Variants in LHFPL5 observed in about 807,000 individuals in gnomAD.
LHFPL5 encodes the protein LHFPL tetraspan subfamily member 5 protein.
A neutral mutation model predicts 18.7 loss-of-function variants in LHFPL5; 12 were observed. The ratio of observed to expected loss-of-function variants is 0.64; its 90% CI spans 0.41 to 1.04. The LOEUF is 1.04. Ranked by LOEUF, LHFPL5 falls within the 50% of genes least tolerant of loss-of-function variation. The probability of loss-of-function intolerance (pLI) is 0.00; values close to 1 mark genes in which losing one functional copy is unlikely to be tolerated. For missense variants in LHFPL5, 259 were observed against 292.1 expected (o/e 0.89, Z 0.83); for synonymous variants, 111 against 120.2 (o/e 0.92, Z 0.50).
chr6:35,805,541 C>T lies in LHFPL5; in HGVS notation c.-130C>T. On this transcript the variant is annotated 5_prime_UTR_variant, in exon 1 of 4. Transcript: ENST00000360215. This position sits in a 1 kb window ranked among gnomAD's most constrained non-coding sequence, Gnocchi z 4.3. ...CCTCTTCCCCTTGCCTTGAAGGGACCTCACCTGGTGCCCTGACCTCAGCCT... is the reference window on the plus strand; with the variant it reads ...CCTCTTCCCCTTGCCTTGAAGGGACTTCACCTGGTGCCCTGACCTCAGCCT... The T allele has an allele frequency of 1.1e-6, 1 of 888,142 alleles. No individual in the cohort carries two copies. The highest frequency in any genetic ancestry group is 2.6e-5 in the East Asian group (1 of 38,720). 55.0% of individuals were successfully genotyped at this position (888,142 alleles called of 1,614,324 possible).
At chr6:35,810,634 G>A (rs1282594081) in intron 1 of LHFPL5, among the ~76,000 whole-genome samples, 1 of 151,812 alleles carries the variant, frequency 6.6e-6, no homozygotes, top group East Asian at 1.9e-4. Context: ...TGTGGGCAGG[G>A]GATAATCCCC....
Position 35,814,092 on chromosome 6 carries a change from C to G in LHFPL5, c.413-454C>G, listed in dbSNP as rs1335979512. 1.3e-5 allele frequency among the ~76,000 whole-genome samples: 2 copies of G among 152,242 alleles called. No individual in the cohort carries two copies. Among genetic ancestry groups the G allele is most frequent in the Non-Finnish European group, 1.5e-5 (1 of 68,050 alleles). ...GATTACAGGTGTGAGCCACCACCCC[C>G]AGGCTAGACACTTTCTTATTGAGCT... On this transcript the variant is annotated intron_variant, in intron 1 of 3. Transcript: ENST00000360215. This position sits in a 1 kb window ranked among gnomAD's most constrained non-coding sequence, Gnocchi z 4.2.
chr6:35,808,564 CATATATATATATATATATATATATAT>C (rs56343421), intron 1 of LHFPL5, among the ~76,000 whole-genome samples: 15 of 87,258 alleles, frequency 1.7e-4, no homozygotes, highest in East Asian at 8.4e-4. Context: ...TCATTTTATA[CATATATATATATATATATATATATAT>C]ATATATATAT....
intron 1 of LHFPL5, among the ~76,000 whole-genome samples, chr6:35,811,886 CGCTAATTACATTCA>C (rs1160037519): frequency 1.3e-5 from 2 of 152,202 alleles, no homozygotes; most frequent in Non-Finnish European, 2.9e-5. Context: ...GAAATGTCAC[CGCTAATTACATTCA>C]GCCCCTGGGA....
chr6:35,805,698 G>A lies in LHFPL5; in HGVS notation c.28G>A (p.Ala10Thr). 1 of 1,614,134 alleles carries A rather than the reference G, an allele frequency of 6.2e-7. No individual in the cohort carries two copies. Among genetic ancestry groups the A allele is most frequent in the Non-Finnish European group, 8.5e-7 (1 of 1,180,024 alleles). Residue 10 changes from alanine to threonine, a missense_variant, in exon 1 of 4, where the codon GCA becomes ACA. Transcript: ENST00000360215. The surrounding 1 kb of genome is among the most constrained non-coding windows in gnomAD (Gnocchi z 4.3). MVKLLPAQE[A>T]AKIYHTNYVR... is the part of the protein sequence containing the mutation. ...GGTGAAATTGCTGCCGGCCCAGGAG[G>A]CAGCCAAGATCTACCATACCAACTA... is the stretch of plus-strand genomic sequence containing the variant.
At chr6:35,821,449 TTGTGTGTG>T (rs34049571) in intron 3 of LHFPL5, among the ~76,000 whole-genome samples, 1,868 of 120,424 alleles carry the variant, frequency 0.016, 35 homozygotes, top group African/African-American at 0.042. Flanking sequence ...AGCATAATCT[TTGTGTGTG>T]TGTGTGTGTG....
chr6:35,814,880 C>T lies in LHFPL5; in HGVS notation c.649+98C>T. 1 of 1,101,462 alleles carries T rather than the reference C, an allele frequency of 9.1e-7. No homozygotes were observed. Among genetic ancestry groups the T allele is most frequent in the Non-Finnish European group, 1.4e-6 (1 of 716,812 alleles). 68.2% of individuals were successfully genotyped at this position (1,101,462 alleles called of 1,614,324 possible). ...AGTCCTCTAAGGCTTGGTCCCTGGC[C>T]AAGGGATGGGGACACCAAGACTAAT... On this transcript the variant is annotated intron_variant, in intron 2 of 3. Coordinates refer to ENST00000360215, the MANE Select transcript of LHFPL5 (RefSeq NM_182548.4). This position sits in a 1 kb window ranked among gnomAD's most constrained non-coding sequence, Gnocchi z 4.2.
intron 2 of LHFPL5, among the ~76,000 whole-genome samples, chr6:35,818,325 A>G (rs1768797566): frequency 4.2e-4 from 1 of 2,398 alleles, no homozygotes; most frequent in South Asian, 0.024. Context: ...AAAGCCATAT[A>G]TATATATATA....
At chr6:35,817,610 T>C (rs921130423) in intron 2 of LHFPL5, among the ~76,000 whole-genome samples, 7 of 152,194 alleles carry the variant, frequency 4.6e-5, no homozygotes, top group Non-Finnish European at 1.5e-5. Context: ...CAAAAGATGC[T>C]CAACATCATT....
intron 2 of LHFPL5, among the ~76,000 whole-genome samples, chr6:35,818,344 TA>T (rs1561955685): frequency 1.0e-3 from 7 of 6,872 alleles, no homozygotes; most frequent in East Asian, 8.6e-3. Flanking sequence ...TATATATATA[TA>T]TATGTATTTT....
rs368091965 is a variant in LHFPL5 at position 35,819,462 on chromosome 6, C to T, written c.*15C>T. On this transcript the variant is annotated splice_region_variant and 3_prime_UTR_variant, in exon 3 of 4. Coordinates refer to ENST00000360215, the MANE Select transcript of LHFPL5 (RefSeq NM_182548.4). ...AGGAGGTGTGAAGCAGCTGAAGGGT[C>T]GGTGAGTAATTCTATGGGAGGGTGG... The T allele has an allele frequency of 2.2e-5, 36 of 1,613,728 alleles. No individual in the cohort carries two copies. The African/African-American group carries it at 3.7e-4, about 17-fold the overall frequency.
chr6:35,814,413 T>C lies in LHFPL5; in HGVS notation c.413-133T>C. The C allele has an allele frequency of 2.5e-6, 2 of 802,610 alleles. No individual in the cohort carries two copies. Among genetic ancestry groups the C allele is most frequent in the Non-Finnish European group, 4.4e-6 (2 of 449,676 alleles). 49.7% of individuals were successfully genotyped at this position (802,610 alleles called of 1,614,324 possible). A position where few individuals can be genotyped will look rare whatever the true frequency, so the allele number is the denominator to read the frequency against. ...GTTCTGCAAGAAGGATGGTAGAGGC[T>C]GCCTCTCATGCCTCCTGAGGCTGTT... On this transcript the variant is annotated intron_variant, in intron 1 of 3. Transcript: ENST00000360215. The surrounding 1 kb of genome is among the most constrained non-coding windows in gnomAD (Gnocchi z 4.2).
intron 3 of LHFPL5, among the ~76,000 whole-genome samples, chr6:35,822,043 T>A (rs1292153510): frequency 6.6e-6 from 1 of 151,678 alleles, no homozygotes; most frequent in Non-Finnish European, 1.5e-5. Flanking sequence ...CCAGCTATAA[T>A]AATTTTGTTT....
intron 1 of LHFPL5, among the ~76,000 whole-genome samples, chr6:35,809,298 G>A (rs1361806011): frequency 6.6e-6 from 1 of 152,066 alleles, no homozygotes; most frequent in African/African-American, 2.4e-5. Flanking sequence ...CATAGATTAG[G>A]GGGCTTAAAA....
In LHFPL5 at chr6:35,805,432, A is replaced by C. The variant is rs1025976477; in HGVS notation, c.-239A>C. On this transcript the variant is annotated 5_prime_UTR_variant, in exon 1 of 4. Transcript: ENST00000360215. The surrounding 1 kb of genome is among the most constrained non-coding windows in gnomAD (Gnocchi z 4.3). ...TGGTGGGCTTGGGAGGAGGCAGGAG[A>C]CTGGAGACAGCCTCGGCTAGAGCGG... is the stretch of plus-strand genomic sequence containing the variant. 1.8e-6 allele frequency: 1 copy of C among 554,282 alleles called. No homozygotes were observed. The highest frequency in any genetic ancestry group is 1.9e-5 in the African/African-American group (1 of 52,856). The allele number at this position is 554,282 out of a possible 1,614,324, so 34.3% of individuals were successfully genotyped here.
In LHFPL5 at chr6:35,814,692, G is replaced by T; in HGVS notation, c.559G>T (p.Gly187Cys). 1 of 1,614,166 alleles carries T rather than the reference G, an allele frequency of 6.2e-7. No homozygotes were observed. Among genetic ancestry groups the T allele is most frequent in the Non-Finnish European group, 8.5e-7 (1 of 1,180,034 alleles). ...WAFMLAILSI[G>C]DALILSFLAF... ...CTTCATGCTGGCCATCCTCAGCATT[G>T]GCGACGCCCTCATCCTCTCCTTCCT... The change falls in exon 2 of 4, where the codon GGC becomes TGC. Residue 187 changes from glycine to cysteine, a missense_variant. Coordinates refer to ENST00000360215, the MANE Select transcript of LHFPL5 (RefSeq NM_182548.4). The surrounding 1 kb of genome is among the most constrained non-coding windows in gnomAD (Gnocchi z 4.2).
intron 3 of LHFPL5, among the ~76,000 whole-genome samples, chr6:35,821,813 T>C (rs1219667800): frequency 6.6e-6 from 1 of 150,912 alleles, no homozygotes; most frequent in Non-Finnish European, 1.5e-5. Flanking sequence ...ATTTTTAATT[T>C]AGGTTTTTCA....
intron 2 of LHFPL5, among the ~76,000 whole-genome samples, chr6:35,818,683 A>G (rs1475452247): frequency 1.3e-5 from 2 of 150,894 alleles, no homozygotes; most frequent in Non-Finnish European, 3.0e-5. Context: ...AAAAAAAAGG[A>G]AGTGCTGAGG....
chr6:35,814,472 C>A lies in LHFPL5; in HGVS notation c.413-74C>A. 9.0e-7 allele frequency: 1 copy of A among 1,117,310 alleles called. No individual in the cohort carries two copies. Among genetic ancestry groups the A allele is most frequent in the Non-Finnish European group, 1.4e-6 (1 of 727,496 alleles). The allele number at this position is 1,117,310 out of a possible 1,614,324, so 69.2% of individuals were successfully genotyped here. A position where few individuals can be genotyped will look rare whatever the true frequency, so the allele number is the denominator to read the frequency against. ...GAGAAGGGAGGTGACAACATAACAG[C>A]AGTGCAAGGTGTGGGAGGTAGCGGG... On this transcript the variant is annotated intron_variant, in intron 1 of 3. Transcript: ENST00000360215. This position sits in a 1 kb window ranked among gnomAD's most constrained non-coding sequence, Gnocchi z 4.2.
Sources: allele counts gnomAD v4.1 joint callset (sites outside exome capture counted in the v4.1 genomes callset), GRCh38; gene constraint gnomAD v4.1.1; non-coding constraint Gnocchi (gnomAD v3.1); transcripts MANE v1.5; gene names NCBI Gene and HGNC (gene_info 2026-07-23, HGNC 2026-07-21).